The following ADAMTS20 variants were observed in gnomAD, a reference collection of about 807,000 sequenced individuals.
ADAMTS20 encodes the protein A disintegrin and metalloproteinase with thrombospondin motifs 20.
A neutral mutation model predicts 260.1 loss-of-function variants in ADAMTS20; 225 were observed. That is an observed-to-expected ratio of 0.87 (90% CI 0.78 to 0.97). The LOEUF (loss-of-function observed/expected upper bound fraction) is 0.97. Among genes scored for constraint, ADAMTS20 ranks in the 50% least tolerant of loss-of-function variants. ADAMTS20 has a pLI of 0.00. For synonymous variants in ADAMTS20, 802 were observed against 769.5 expected (o/e 1.04, Z -0.70); for missense variants, 2,400 against 2,337.7 (o/e 1.03, Z -0.55).
chr12:43,521,703 A>T (rs760537363), intron 3 of ADAMTS20, among the ~76,000 whole-genome samples: 108 of 152,302 alleles, frequency 7.1e-4, no homozygotes, highest in Non-Finnish European at 9.1e-4. Flanking sequence ...CTCTGCTTTA[A>T]ATTTTTTTTT....
At chr12:43,432,527 A>T (rs538787712) in intron 20 of ADAMTS20, 59 bp from the exon 21 acceptor site, 105 of 1,596,174 alleles carry the variant, frequency 6.6e-5, no homozygotes, top group Non-Finnish European at 4.8e-5. Context: ...CAACAAAATT[A>T]TACTTCAGAG....
At chr12:43,362,906 A>G (rs1325243643) in intron 37 of ADAMTS20, among the ~76,000 whole-genome samples, 1 of 151,996 alleles carries the variant, frequency 6.6e-6, no homozygotes, top group Non-Finnish European at 1.5e-5. Context: ...AAAAGGCAAG[A>G]AAACAGATTA....
intron 28 of ADAMTS20, among the ~76,000 whole-genome samples, chr12:43,408,413 T>C (rs1222760963): frequency 2.0e-5 from 3 of 152,228 alleles, no homozygotes; most frequent in African/African-American, 4.8e-5. Flanking sequence ...ATTTACAAAA[T>C]TCTTAAAATC....
At chr12:43,354,388 T>C (rs1463902255) in intron 38 of ADAMTS20, 90 bp from the exon 39 acceptor site, 27 of 910,226 alleles carry the variant, frequency 3.0e-5, no homozygotes, top group Non-Finnish European at 4.4e-5. Context: ...TTGAATCATA[T>C]GGCTAAAATC....
At chr12:43,383,459 T>C in intron 31 of ADAMTS20, 99 bp downstream of exon 31, 1 of 1,215,480 alleles carries the variant, frequency 8.2e-7, no homozygotes, top group Non-Finnish European at 1.1e-6. Context: ...TCATCTGCCC[T>C]CATATTCAAA....
chr12:43,400,492 C>G (rs1276115354), intron 28 of ADAMTS20, among the ~76,000 whole-genome samples: 6 of 151,950 alleles, frequency 3.9e-5, no homozygotes, highest in Admixed American at 3.9e-4. Flanking sequence ...GACCTCTCCT[C>G]CACCTCATTA....
At chr12:43,422,128 G>C (rs1311161921) in intron 28 of ADAMTS20, among the ~76,000 whole-genome samples, 1 of 152,002 alleles carries the variant, frequency 6.6e-6, no homozygotes, top group African/African-American at 2.4e-5. Flanking sequence ...CATAGGCTAA[G>C]ATTTATTTAT....
rs1489276244 is a variant in ADAMTS20, at chr12:43,399,292, C to T, written c.4285-59G>A. On this transcript the variant is annotated intron_variant, in intron 28 of 38. Transcript: ENST00000389420. ...TTCTTCTTGATTAATTTAAGCTTAT[C>T]TTAAAGAAGTACAAAATGTAACAAT... is the stretch of plus-strand genomic sequence containing the variant. 17 of 1,296,012 alleles carry T rather than the reference C, an allele frequency of 1.3e-5. No homozygotes were observed. The South Asian group carries it at 3.1e-4, about 23-fold the overall frequency. 80.3% of individuals were successfully genotyped at this position (1,296,012 alleles called of 1,614,324 possible).
Position 43,429,653 on chromosome 12 carries a change from T to C in ADAMTS20, c.3453A>G (p.Lys1151=), listed in dbSNP as rs765636438. The C allele has an allele frequency of 3.2e-5, 51 of 1,600,248 alleles. 1 individual carries two copies. In the South Asian group the frequency reaches 5.7e-4, roughly 18 times the overall value. Residue 1151 remains lysine (K), a synonymous_variant, in exon 24 of 39, where the codon AAA becomes AAG. Transcript: ENST00000389420. The stretch of plus-strand genomic sequence containing the variant: ...AACCATGTCGCCATTGTGCCATCTT[T>C]TTTATGAGAACAGTTGGTAATAAAG... The part of the protein sequence containing the change: ...ETALLPTVLI[K]KMAQWRHGSW...
chr12:43,463,818 T>C (rs1942107004), intron 10 of ADAMTS20, among the ~76,000 whole-genome samples: 1 of 152,128 alleles, frequency 6.6e-6, no homozygotes, highest in South Asian at 2.1e-4. Flanking sequence ...GGAATAGATA[T>C]AGATATTTAT....
At chr12:43,529,303 C>T (rs968229455) in intron 3 of ADAMTS20, among the ~76,000 whole-genome samples, 1 of 152,056 alleles carries the variant, frequency 6.6e-6, no homozygotes, top group Non-Finnish European at 1.5e-5. Context: ...GATGACTGGG[C>T]ATCTACCCAA....
At chr12:43,504,135 C>T (rs1567458) in intron 3 of ADAMTS20, among the ~76,000 whole-genome samples, 16,522 of 152,030 alleles carry the variant, frequency 0.11, 1,285 homozygotes, top group East Asian at 0.46. Context: ...GGAATTGCCA[C>T]ACTGCTTTCC....
Position 43,383,936 on chromosome 12 carries a change from T to C in ADAMTS20, c.4494A>G (p.Val1498=). 1 of 1,613,890 alleles carries C rather than the reference T, an allele frequency of 6.2e-7. No individual in the cohort carries two copies. Among genetic ancestry groups the C allele is most frequent in the Non-Finnish European group, 8.5e-7 (1 of 1,179,842 alleles). ...TCGSGVQQRD[V]YCRLKGVGQV... ...GACCAACACCTTTCAGTCTGCAGTATACATCCCTCTGCTGAACTCCAGAGC... is the reference window on the plus strand; with the variant it reads ...GACCAACACCTTTCAGTCTGCAGTACACATCCCTCTGCTGAACTCCAGAGC... The change falls in exon 30 of 39, where the codon GTA becomes GTG. Residue 1498 remains valine, a synonymous_variant. Transcript: ENST00000389420.
At chr12:43,497,800 GTTAATTCTTGAGGATTACATGATGCTCC>G (rs1045561327) in intron 4 of ADAMTS20, among the ~76,000 whole-genome samples, 2 of 152,026 alleles carry the variant, frequency 1.3e-5, no homozygotes, top group Non-Finnish European at 2.9e-5. Context: ...TAATGAAAGG[GTTAATTCTTGAGGATTACATGATGCTCC>G]TTAAACTTAC....
intron 4 of ADAMTS20, among the ~76,000 whole-genome samples, chr12:43,495,390 A>G (rs1432843577): frequency 6.6e-6 from 1 of 152,200 alleles, no homozygotes; most frequent in African/African-American, 2.4e-5. Context: ...CTAGGCTACT[A>G]TAAGGATTAA....
intron 37 of ADAMTS20, among the ~76,000 whole-genome samples, chr12:43,356,837 C>T (rs1404598611): frequency 2.0e-5 from 3 of 152,164 alleles, no homozygotes; most frequent in African/African-American, 4.8e-5. Context: ...CATTTCTACA[C>T]GTTCCATTTT....
chr12:43,387,968 C>CTT (rs1940517161), intron 29 of ADAMTS20, among the ~76,000 whole-genome samples: 1 of 152,138 alleles, frequency 6.6e-6, no homozygotes, highest in Non-Finnish European at 1.5e-5. Flanking sequence ...TGCCGGACTC[C>CTT]ATGGGGTGGG....
At chr12:43,420,797 CTTCTTTT>C (rs139970659) in intron 28 of ADAMTS20, among the ~76,000 whole-genome samples, 1 of 77,436 alleles carries the variant, frequency 1.3e-5, no homozygotes, top group African/African-American at 5.4e-5. Context: ...CCTCCTCCTC[CTTCTTTT>C]TTTTTTTTTT....
chr12:43,532,542 T>TC (rs1162141021), intron 2 of ADAMTS20, among the ~76,000 whole-genome samples: 1 of 105,972 alleles, frequency 9.4e-6, no homozygotes, highest in Non-Finnish European at 2.0e-5. Flanking sequence ...AATAGATACT[T>TC]TTTTTTTTTA....
Sources: gnomAD v4.1 joint callset for allele counts (sites outside exome capture counted in the v4.1 genomes callset) on GRCh38, gnomAD v4.1.1 for gene constraint, MANE v1.5 for transcripts, NCBI Gene and HGNC (gene_info 2026-07-23, HGNC 2026-07-21) for gene names.